USP10: variants seen among roughly 807,000 people sequenced by gnomAD.
USP10 encodes ubiquitin specific peptidase 10.
USP10 carries 22 observed loss-of-function variants against 84.5 expected under a neutral mutation model. The observed-to-expected ratio is 0.26, with a 90% CI of 0.19 to 0.37. USP10 has a LOEUF of 0.37. Among genes scored for constraint, USP10 ranks in the 10% least tolerant of loss-of-function variants. The pLI is 1.00. For missense variants in USP10, 1,019 were observed against 998.9 expected (o/e 1.02, Z -0.27); for synonymous variants, 454 against 387.6 (o/e 1.17, Z -2.01).
At position 84,700,057 on chromosome 16, in the gene USP10, G is replaced by T. The variant is rs1232193645; in HGVS notation, c.-34G>T. The T allele has an allele frequency of 7.3e-7, 1 of 1,365,156 alleles. No individual in the cohort carries two copies. 84.6% of individuals were successfully genotyped at this position (1,365,156 alleles called of 1,614,324 possible). A position where few individuals can be genotyped will look rare whatever the true frequency, so the allele number is the denominator to read the frequency against. On this transcript the variant is annotated 5_prime_UTR_variant, in exon 1 of 14. Coordinates refer to ENST00000219473, the MANE Select transcript of USP10 (RefSeq NM_005153.3). ...GGCGGGGGAAGCAGCGTGAGCAGCCGGAGGATCGCGGAGTCCCAATGAAAC... is the reference window on the plus strand; with the variant it reads ...GGCGGGGGAAGCAGCGTGAGCAGCCTGAGGATCGCGGAGTCCCAATGAAAC...
intron 1 of USP10, among the ~76,000 whole-genome samples, chr16:84,722,838 G>A (rs1011301770): frequency 6.6e-6 from 1 of 152,158 alleles, no homozygotes; most frequent in East Asian, 1.9e-4. Context: ...TTACAGGTGT[G>A]AGCCACTGCG....
chr16:84,762,893 A>G, intron 8 of USP10, 96 bp from the exon 9 acceptor site: 1 of 644,096 alleles, frequency 1.6e-6, no homozygotes, highest in Non-Finnish European at 2.7e-6. Flanking sequence ...CTTCCATTTC[A>G]GAGGAGGCAT....
chr16:84,775,059 G>A, intron 12 of USP10, 101 bp from the exon 13 acceptor site: 1 of 974,952 alleles, frequency 1.0e-6, no homozygotes, highest in Non-Finnish European at 1.6e-6. Context: ...TGGTCTGACA[G>A]GCAGTTTACT....
intron 1 of USP10, among the ~76,000 whole-genome samples, chr16:84,704,514 A>G (rs1284661745): frequency 6.6e-6 from 1 of 152,216 alleles, no homozygotes; most frequent in East Asian, 1.9e-4. Context: ...CTTGGACTGC[A>G]GTTTTCCTGT....
intron 1 of USP10, among the ~76,000 whole-genome samples, chr16:84,712,499 GCAAA>G (rs1255941725): frequency 4.6e-5 from 7 of 152,210 alleles, no homozygotes; most frequent in African/African-American, 1.4e-4. Flanking sequence ...ACCAGTTGAA[GCAAA>G]CAGAGAACAG....
At chr16:84,765,259 G>A (rs569296981) in intron 10 of USP10, among the ~76,000 whole-genome samples, 2 of 151,348 alleles carry the variant, frequency 1.3e-5, no homozygotes, top group East Asian at 3.9e-4. Context: ...TTACCCTTGT[G>A]TGTGTGTGTG....
Position 84,774,275 on chromosome 16 carries a change from A to G in USP10, c.2144-885A>G, listed in dbSNP as rs111586288. On this transcript the variant is annotated intron_variant, in intron 12 of 13. Coordinates refer to ENST00000219473, the MANE Select transcript of USP10 (RefSeq NM_005153.3). ...TAAATAAATAACATAAATGGGGGAC[A>G]AGAGGACCTCACTTGGGTCATGGGT... 2.7e-3 allele frequency among the ~76,000 whole-genome samples: 407 copies of G among 152,074 alleles called. 2 individuals carry two copies. The highest frequency in any genetic ancestry group is 9.3e-3 in the African/African-American group (386 of 41,510).
chr16:84,772,863 G>C (rs981705612), intron 12 of USP10, among the ~76,000 whole-genome samples, 178 bp downstream of exon 12: 1 of 152,076 alleles, frequency 6.6e-6, no homozygotes, highest in Non-Finnish European at 1.5e-5. Context: ...CATGAAAATG[G>C]CCTGTTGAAA....
rs768572637 is a variant in USP10 at position 84,768,337 on chromosome 16, T to C, written c.1977T>C (p.Tyr659=). The change falls in exon 11 of 14, where the codon TAT becomes TAC. Residue 659 remains tyrosine (Y), a synonymous_variant. Coordinates refer to ENST00000219473, the MANE Select transcript of USP10 (RefSeq NM_005153.3). The part of the protein sequence containing the change: ...SLVARESVQG[Y]TTKTKQEVEI... ...TGGCAAGAGAATCTGTCCAAGGTTA[T>C]ACCACAAAAACCAAACAAGAGGTAT... The C allele has an allele frequency of 2.5e-6, 4 of 1,606,006 alleles. No individual in the cohort carries two copies. Among genetic ancestry groups the C allele is most frequent in the African/African-American group, 1.3e-5 (1 of 74,810 alleles).
At chr16:84,758,405 C>T (rs1482250229) in intron 4 of USP10, among the ~76,000 whole-genome samples, 1 of 152,182 alleles carries the variant, frequency 6.6e-6, no homozygotes, top group Admixed American at 6.5e-5. Context: ...AATCTATTCT[C>T]TAATAATGAT....
chr16:84,762,477 G>A (rs182696362), intron 8 of USP10, among the ~76,000 whole-genome samples: 32 of 152,290 alleles, frequency 2.1e-4, no homozygotes, highest in African/African-American at 6.3e-4. Context: ...GGTCACCTGA[G>A]GTCAGGAGTT....
At chr16:84,771,607 G>C (rs1036555866) in intron 11 of USP10, among the ~76,000 whole-genome samples, 2 of 152,212 alleles carry the variant, frequency 1.3e-5, no homozygotes, top group Admixed American at 6.5e-5. Flanking sequence ...GGTGGCTCAC[G>C]CCTGTAATCT....
At chr16:84,712,464 C>A (rs181241347) in intron 1 of USP10, among the ~76,000 whole-genome samples, 26 of 152,294 alleles carry the variant, frequency 1.7e-4, no homozygotes, top group African/African-American at 6.3e-4. Context: ...AGGTGTTTGT[C>A]TGTTGGATCG....
intron 1 of USP10, among the ~76,000 whole-genome samples, chr16:84,712,214 C>G (rs919181115): frequency 6.6e-6 from 1 of 152,158 alleles, no homozygotes; most frequent in African/African-American, 2.4e-5. Context: ...TGTAGATGCC[C>G]TGTCCTTCCT....
chr16:84,700,025 T>TGGC lies in USP10; in HGVS notation c.-57_-55dup. On this transcript the variant is annotated 5_prime_UTR_variant, in exon 1 of 14. Coordinates refer to ENST00000219473, the MANE Select transcript of USP10 (RefSeq NM_005153.3). ...GAGTGTGTATGTGCGGGCGAGAAGA[T>TGGC]GGCGGCGGCGGGGGAAGCAGCGTGA... 2 of 1,327,384 alleles carry TGGC rather than the reference T, an allele frequency of 1.5e-6. No individual in the cohort carries two copies. Among genetic ancestry groups the TGGC allele is most frequent in the South Asian group, 1.4e-5 (1 of 72,114 alleles). The allele number at this position is 1,327,384 out of a possible 1,614,324, so 82.2% of individuals were successfully genotyped here.
At chr16:84,736,120 T>A (rs1277666247) in intron 2 of USP10, among the ~76,000 whole-genome samples, 2 of 150,044 alleles carry the variant, frequency 1.3e-5, no homozygotes, top group Non-Finnish European at 3.0e-5. Flanking sequence ...GTGTCACTTC[T>A]ACAGCACAGT....
At chr16:84,734,070 A>G (rs9936114) in intron 2 of USP10, among the ~76,000 whole-genome samples, 38,393 of 152,036 alleles carry the variant, frequency 0.25, 5,153 homozygotes, top group Admixed American at 0.41. Context: ...CGTTAAAAAT[A>G]TTGCACTCAA....
chr16:84,759,509 G>A (rs767161297), intron 6 of USP10, 37 bp downstream of exon 6: 1 of 1,562,306 alleles, frequency 6.4e-7, no homozygotes, highest in African/African-American at 1.4e-5. Flanking sequence ...AAGTGGTGGG[G>A]TTTTTCCCGT....
chr16:84,741,204 T>C (rs995441470), intron 3 of USP10, among the ~76,000 whole-genome samples: 1 of 152,258 alleles, frequency 6.6e-6, no homozygotes, highest in Middle Eastern at 3.2e-3. Context: ...CCAAACGTTT[T>C]ATCTCCAGTA....
Sources: allele counts gnomAD v4.1 joint callset (sites outside exome capture counted in the v4.1 genomes callset), GRCh38; gene constraint gnomAD v4.1.1; transcripts MANE v1.5; gene names NCBI Gene and HGNC (gene_info 2026-07-23, HGNC 2026-07-21).